Variants in ANO7 observed in about 807,000 individuals in gnomAD.
The protein encoded by ANO7 is anoctamin 7, also known as anoctamin-7.
In ANO7, 114 loss-of-function variants were observed where a neutral mutation model predicts 115.8. The ratio of observed to expected loss-of-function variants is 0.98; its 90% CI spans 0.85 to 1.15. The LOEUF is 1.15. Ranked by LOEUF, ANO7 falls within the 50% of genes most tolerant of loss-of-function variation. The pLI is 0.00. For synonymous variants in ANO7, 550 were observed against 498.2 expected, an observed-to-expected ratio of 1.10 and a Z score of -1.38; for missense variants, 1,302 against 1,201.2, an observed-to-expected ratio of 1.08 and a Z score of -1.24.
At chr2:241,197,312 C>A (rs1305167080) in intron 4 of ANO7, among the ~76,000 whole-genome samples, 2 of 152,190 alleles carry the variant, frequency 1.3e-5, no homozygotes, top group Non-Finnish European at 2.9e-5. Context: ...ATTGCCCAGG[C>A]TGGTCTTGAA....
At chr2:241,212,347 G>T in intron 16 of ANO7, 142 bp downstream of exon 16, 1 of 941,216 alleles carries the variant, frequency 1.1e-6, no homozygotes. Flanking sequence ...GGGGACAGGG[G>T]CCCATGCCTC....
chr2:241,216,628 A>G (rs563853745), intron 19 of ANO7, among the ~76,000 whole-genome samples: 6 of 152,294 alleles, frequency 3.9e-5, no homozygotes, highest in Non-Finnish European at 5.9e-5. Context: ...TGGAGAGCCA[A>G]TGTTCCCAGA....
At chr2:241,216,719 C>T (rs2068837309) in intron 19 of ANO7, among the ~76,000 whole-genome samples, 1 of 152,262 alleles carries the variant, frequency 6.6e-6, no homozygotes, top group African/African-American at 2.4e-5. Context: ...TCACTGCCTG[C>T]ACGGGTGGTG....
chr2:241,195,526 G>T (rs548002424), intron 3 of ANO7, among the ~76,000 whole-genome samples, 177 bp from the exon 4 acceptor site: 2 of 152,318 alleles, frequency 1.3e-5, no homozygotes, highest in East Asian at 3.9e-4. Flanking sequence ...ACCTGGAAGT[G>T]CTCCTGGAGT....
chr2:241,231,171 G>A, the ANO7 span: 1 of 473,626 alleles, frequency 2.1e-6, no homozygotes, highest in African/African-American at 2.0e-5. Context: ...GATCACCTGA[G>A]GTCCGGAATT....
At position 241,223,946 on chromosome 2, in the gene ANO7, G is replaced by A; in HGVS notation, c.2574G>A (p.Glu858=). The change falls in exon 24 of 25, where the codon GAG becomes GAA. Residue 858 remains glutamate (E), a synonymous_variant. Coordinates refer to ENST00000674324, the MANE Select transcript of ANO7 (RefSeq NM_001370694.2). ...GTNGTKDEQP[E]GSELSSHWTP... ...ACGGAACAAAGGATGAGCAGCCCGA[G>A]GGCTCAGAGGCAAGTCTGGGAGCAG... is the stretch of plus-strand genomic sequence containing the variant. 10 of 1,609,458 alleles carry A rather than the reference G, an allele frequency of 6.2e-6. No homozygotes were observed. Among genetic ancestry groups the A allele is most frequent in the Non-Finnish European group, 8.5e-6 (10 of 1,179,974 alleles).
intron 3 of ANO7, 64 bp downstream of exon 3, chr2:241,191,315 G>A (rs1278277441): frequency 1.9e-6 from 3 of 1,592,276 alleles, no homozygotes; most frequent in Non-Finnish European, 2.6e-6. Context: ...CACCACGGGG[G>A]TGCCCCCAGG....
chr2:241,240,159 A>G, the ANO7 span: 1 of 1,590,924 alleles, frequency 6.3e-7, no homozygotes. This position sits in a 1 kb window ranked among gnomAD's most constrained non-coding sequence, Gnocchi z 5.5. Context: ...GCCTGACACC[A>G]CGTGCCTGGA....
At chr2:241,217,082 C>T (rs2068848984) in intron 19 of ANO7, among the ~76,000 whole-genome samples, 1 of 152,232 alleles carries the variant, frequency 6.6e-6, no homozygotes, top group Non-Finnish European at 1.5e-5. Context: ...ATCCACCTGC[C>T]TCAGCCTCCC....
intron 6 of ANO7, among the ~76,000 whole-genome samples, chr2:241,200,709 G>A (rs1401743507): frequency 1.3e-5 from 2 of 152,258 alleles, no homozygotes; most frequent in Non-Finnish European, 2.9e-5. Context: ...CAGACTAGGG[G>A]AGTCCAGAAG....
Position 241,224,536 on chromosome 2 carries a change from A to C in ANO7, c.*383A>C. 2 of 239,434 alleles carry C rather than the reference A, an allele frequency of 8.4e-6. No homozygotes were observed. Among genetic ancestry groups the C allele is most frequent in the Non-Finnish European group, 1.7e-5 (2 of 120,800 alleles). The allele number at this position is 239,434 out of a possible 1,614,324, so 14.8% of individuals were successfully genotyped here. A position where few individuals can be genotyped will look rare whatever the true frequency, so the allele number is the denominator to read the frequency against. On this transcript the variant is annotated 3_prime_UTR_variant, in exon 25 of 25. Transcript: ENST00000674324. ...TGGCCACATCGCCCTCTCCTCTTAC[A>C]CCTGGTGACCTTCGAATGTTTCAGA...
intron 17 of ANO7, chr2:241,212,937 A>G: frequency 2.7e-6 from 1 of 372,316 alleles, no homozygotes; most frequent in Non-Finnish European, 5.0e-6. Context: ...GTACGAGACC[A>G]GCTTGGACAA....
intron 11 of ANO7, among the ~76,000 whole-genome samples, chr2:241,208,953 T>A (rs575561984): frequency 6.6e-6 from 1 of 152,016 alleles, no homozygotes; most frequent in African/African-American, 2.4e-5. Context: ...ATCGAGACCA[T>A]CCTGGCTAAC....
At chr2:241,207,428 T>C in intron 10 of ANO7, 146 bp from the exon 11 acceptor site, 1 of 606,144 alleles carries the variant, frequency 1.6e-6, no homozygotes, top group Non-Finnish European at 2.9e-6. Flanking sequence ...AAAACAACTA[T>C]TTTTTTTAAG....
chr2:241,203,552 AG>A lies in ANO7; in HGVS notation c.889+56del. The A allele has an allele frequency of 7.5e-7, 1 of 1,330,218 alleles. No individual in the cohort carries two copies. The highest frequency in any genetic ancestry group is 1.0e-6 in the Non-Finnish European group (1 of 1,004,816). 82.4% of individuals were successfully genotyped at this position (1,330,218 alleles called of 1,614,324 possible). On this transcript the variant is annotated intron_variant, in intron 9 of 24. Transcript: ENST00000674324. The surrounding 1 kb of genome is among the most constrained non-coding windows in gnomAD (Gnocchi z 4.8). ...ACCTGGGCCCCCCCAGCTTGGTGTCAGGTTGTAACAATTTGCCAGTCCGTAC... is the reference window on the plus strand; with the variant it reads ...ACCTGGGCCCCCCCAGCTTGGTGTCAGTTGTAACAATTTGCCAGTCCGTAC...
downstream of ANO7, chr2:241,229,653 C>G (rs897653883): frequency 2.5e-6 from 4 of 1,614,172 alleles, no homozygotes; most frequent in East Asian, 6.7e-5. Flanking sequence ...AGCCCCAAAG[C>G]TGGGAAATTC....
chr2:241,196,134 C>T, intron 4 of ANO7: 1 of 1,350,842 alleles, frequency 7.4e-7, no homozygotes. Flanking sequence ...TTCACCTGTC[C>T]CGTCTCCAAC....
chr2:241,229,373 T>C (rs1295938224), downstream of ANO7: 1 of 475,608 alleles, frequency 2.1e-6, no homozygotes, highest in Non-Finnish European at 3.9e-6. Context: ...CGAATGCTCA[T>C]GACCTTGGTT....
At chr2:241,233,841 A>G in the ANO7 span, 2 of 1,614,068 alleles carry the variant, frequency 1.2e-6, no homozygotes, top group Admixed American at 1.7e-5. The surrounding 1 kb of genome is among the most constrained non-coding windows in gnomAD (Gnocchi z 4.3). Context: ...CGTCCTTATC[A>G]GGAAACTGGA....
Sources: allele counts gnomAD v4.1 joint callset (sites outside exome capture counted in the v4.1 genomes callset), GRCh38; gene constraint gnomAD v4.1.1; non-coding constraint Gnocchi (gnomAD v3.1); transcripts MANE v1.5; gene names NCBI Gene and HGNC (gene_info 2026-07-23, HGNC 2026-07-21).